The following UBALD1 variants were observed in gnomAD, a reference collection of about 807,000 sequenced individuals.
The protein encoded by UBALD1 is UBA like domain containing 1.
In UBALD1, 5 loss-of-function variants were observed where a neutral mutation model predicts 16.1. The ratio of observed to expected loss-of-function variants is 0.31; its 90% confidence interval spans 0.16 to 0.66. The LOEUF (loss-of-function observed/expected upper bound fraction) is 0.66. UBALD1 is among the 30% of genes least tolerant of loss of function. The probability of loss-of-function intolerance (pLI) is 0.77; values close to 1 mark genes in which losing one functional copy is unlikely to be tolerated. For synonymous variants in UBALD1, 146 were observed against 105.3 expected (o/e 1.39, Z -2.37); for missense variants, 220 against 252.8 (o/e 0.87, Z 0.88).
chr16:4,614,627 G>A (rs777979290), intron 1 of UBALD1, 51 bp downstream of exon 1: 2 of 1,373,324 alleles, frequency 1.5e-6, no homozygotes, highest in Non-Finnish European at 9.4e-7. Context: ...GGCCACGCGG[G>A]ACACACTCCG....
chr16:4,610,494 A>T lies in UBALD1; in HGVS notation c.182T>A (p.Met61Lys). ...ACTGGGGACTCCGGGGACACTTACCATCTGGTGGTGATGGTGGCTGTAGGG... is the reference window on the plus strand; with the variant it reads ...ACTGGGGACTCCGGGGACACTTACCTTCTGGTGGTGATGGTGGCTGTAGGG... ...NIPYSHHHHQ[M>K]MCTPANTPAT... Residue 61 changes from methionine (M) to lysine (K), a missense_variant and splice_region_variant, in exon 2 of 3, where the codon ATG becomes AAG. By Grantham distance (95) the Met-to-Lys change is moderately conservative. This residue lies in a region of UBALD1 where 69 missense variants were observed against 120.3 expected (regional missense o/e 0.57). Coordinates refer to ENST00000283474, the MANE Select transcript of UBALD1 (RefSeq NM_145253.3). The T allele has an allele frequency of 3.1e-6, 5 of 1,606,454 alleles. No homozygotes were observed. The highest frequency in any genetic ancestry group is 4.3e-6 in the Non-Finnish European group (5 of 1,176,236).
In UBALD1 at chr16:4,610,590, C is replaced by A. The variant is rs748211225; in HGVS notation, c.121-35G>T. ...GAAAGGCCCCTGCTCACCCTCCAGGCCCCCGCCGGCCCTGCCGCTGCCCTT... is the reference window on the plus strand; with the variant it reads ...GAAAGGCCCCTGCTCACCCTCCAGGACCCCGCCGGCCCTGCCGCTGCCCTT... On this transcript the variant is annotated intron_variant, in intron 1 of 2. Transcript: ENST00000283474. 14 of 1,587,516 alleles carry A rather than the reference C, an allele frequency of 8.8e-6. No homozygotes were observed. The South Asian group carries it at 1.6e-4, about 18-fold the overall frequency.
Position 4,609,104 on chromosome 16 carries a change from G to A in UBALD1, c.*529C>T, listed in dbSNP as rs1897324298. Reference sequence around the variant, plus strand: ...GCAGGGCCCTGGGGAGGGGGCGGCGGGCAGGGGGCTGGGGGCTCACACTAA... The same window carrying A: ...GCAGGGCCCTGGGGAGGGGGCGGCGAGCAGGGGGCTGGGGGCTCACACTAA... On this transcript the variant is annotated 3_prime_UTR_variant, in exon 3 of 3. Coordinates refer to ENST00000283474, the MANE Select transcript of UBALD1 (RefSeq NM_145253.3). The A allele has an allele frequency of 6.7e-6, 1 of 150,134 alleles. No individual in the cohort carries two copies. The highest frequency in any genetic ancestry group is 1.5e-5 in the Non-Finnish European group (1 of 67,552). 9.3% of individuals were successfully genotyped at this position (150,134 alleles called of 1,614,324 possible).
intron 1 of UBALD1, 159 bp downstream of exon 1, chr16:4,614,518 TC>T: frequency 1.6e-6 from 2 of 1,229,318 alleles, no homozygotes; most frequent in South Asian, 3.7e-5. Context: ...GCCCTTGGGA[TC>T]CGGACGCCGG....
intron 1 of UBALD1, 126 bp from the exon 2 acceptor site, chr16:4,610,681 C>A: frequency 9.3e-7 from 1 of 1,076,312 alleles, no homozygotes; most frequent in Non-Finnish European, 1.3e-6. Flanking sequence ...GGGTGAGTCG[C>A]GGTGCTGAGG....
At chr16:4,614,371 G>A in intron 1 of UBALD1, 1 of 368,316 alleles carries the variant, frequency 2.7e-6, no homozygotes, top group Non-Finnish European at 4.8e-6. Context: ...TCTGCACCGC[G>A]GGGCCGCCCG....
In UBALD1 at chr16:4,610,294, C is replaced by T. The variant is rs571486129; in HGVS notation, c.183+199G>A. 5.6e-6 allele frequency: 4 copies of T among 715,768 alleles called. No individual in the cohort carries two copies. In the African/African-American group the frequency reaches 7.0e-5, roughly 13 times the overall value. The allele number at this position is 715,768 out of a possible 1,614,324, so 44.3% of individuals were successfully genotyped here. A position where few individuals can be genotyped will look rare whatever the true frequency, so the allele number is the denominator to read the frequency against. On this transcript the variant is annotated intron_variant, in intron 2 of 2. Transcript: ENST00000283474. ...CATTGCCCCAGAGGCCAGCGCCCCC[C>T]AGGTCTCAGGGGGAGCTGGCACAGG... is the stretch of plus-strand genomic sequence containing the variant.
intron 1 of UBALD1, 194 bp downstream of exon 1, chr16:4,614,484 G>T (rs1007553460): frequency 3.2e-6 from 3 of 941,376 alleles, no homozygotes; most frequent in African/African-American, 1.7e-5. Context: ...CCGGTGGCCC[G>T]GTTCCCACCT....
chr16:4,610,515 T>C lies in UBALD1; in HGVS notation c.161A>G (p.Tyr54Cys). Residue 54 changes from tyrosine (Y) to cysteine (C), a missense_variant, in exon 2 of 3, where the codon TAC (tyrosine) becomes TGC (cysteine). This residue lies in a region of UBALD1 where 69 missense variants were observed against 120.3 expected (regional missense o/e 0.57). Coordinates refer to ENST00000283474, the MANE Select transcript of UBALD1 (RefSeq NM_145253.3). ...SAFFQETNIPYSHHHHQMMCT... is the reference protein window; with the variant it reads ...SAFFQETNIPCSHHHHQMMCT... ...TACCATCTGGTGGTGATGGTGGCTGTAGGGGATGTTGGTCTCCTGGAAAAA... is the reference window on the plus strand; with the variant it reads ...TACCATCTGGTGGTGATGGTGGCTGCAGGGGATGTTGGTCTCCTGGAAAAA... 2 of 1,611,566 alleles carry C rather than the reference T, an allele frequency of 1.2e-6. No individual in the cohort carries two copies. Among genetic ancestry groups the C allele is most frequent in the Non-Finnish European group, 1.7e-6 (2 of 1,178,832 alleles).
chr16:4,609,295 T>A lies in UBALD1; in HGVS notation c.*338A>T. On this transcript the variant is annotated 3_prime_UTR_variant, in exon 3 of 3. Transcript: ENST00000283474. ...GGAGCTCCAAGCCAGGGATCAGCAATGTCTCTGCCAGGGTGGTCCTCCACG... is the reference window on the plus strand; with the variant it reads ...GGAGCTCCAAGCCAGGGATCAGCAAAGTCTCTGCCAGGGTGGTCCTCCACG... 1 of 236,486 alleles carries A rather than the reference T, an allele frequency of 4.2e-6. No individual in the cohort carries two copies. The highest frequency in any genetic ancestry group is 8.1e-6 in the Non-Finnish European group (1 of 122,906). 14.6% of individuals were successfully genotyped at this position (236,486 alleles called of 1,614,324 possible).
intron 1 of UBALD1, 181 bp downstream of exon 1, chr16:4,614,497 G>T: frequency 9.2e-7 from 1 of 1,088,182 alleles, no homozygotes; most frequent in Non-Finnish European, 1.2e-6. Flanking sequence ...TCCCACCTCC[G>T]CCCGCCGCGA....
In UBALD1 at chr16:4,613,279, A is replaced by G. The variant is rs1897380349; in HGVS notation, c.120+1399T>C. 2.6e-5 allele frequency among the ~76,000 whole-genome samples: 4 copies of G among 152,306 alleles called. No homozygotes were observed. In the South Asian group the frequency reaches 6.2e-4, roughly 24 times the overall value. On this transcript the variant is annotated intron_variant, in intron 1 of 2. Transcript: ENST00000283474. Reference sequence around the variant, plus strand: ...CACAGGGGGCAGTAAGCTGGCCAACAGAAGCTGACTCATGCCCCCCAACCC... The same window carrying G: ...CACAGGGGGCAGTAAGCTGGCCAACGGAAGCTGACTCATGCCCCCCAACCC...
Position 4,609,831 on chromosome 16 carries a change from G to A in UBALD1, c.336C>T (p.Pro112=), listed in dbSNP as rs755414355. ...ATATSPPPHF[P]HAATSSSAAS... Reference sequence around the variant, plus strand: ...CCGCAGAGCTGCTGGTGGCGGCATGGGGGAAGTGTGGCGGGGGTGACGTGG... The same window carrying A: ...CCGCAGAGCTGCTGGTGGCGGCATGAGGGAAGTGTGGCGGGGGTGACGTGG... Residue 112 remains proline (P), a synonymous_variant, in exon 3 of 3, where the codon CCC becomes CCT. Coordinates refer to ENST00000283474, the MANE Select transcript of UBALD1 (RefSeq NM_145253.3). 1.3e-6 allele frequency: 2 copies of A among 1,531,622 alleles called. No homozygotes were observed. Among genetic ancestry groups the A allele is most frequent in the African/African-American group, 2.8e-5 (2 of 72,404 alleles). The allele number at this position is 1,531,622 out of a possible 1,614,324, so 94.9% of individuals were successfully genotyped here.
chr16:4,612,497 C>G (rs900017304), intron 1 of UBALD1, among the ~76,000 whole-genome samples: 1 of 152,150 alleles, frequency 6.6e-6, no homozygotes, highest in Non-Finnish European at 1.5e-5. Context: ...CCCCAAGACC[C>G]TCTGTCAGCA....
Position 4,614,806 on chromosome 16 carries a change from C to T in UBALD1, c.-9G>A. 1 of 1,494,556 alleles carries T rather than the reference C, an allele frequency of 6.7e-7. No homozygotes were observed. The highest frequency in any genetic ancestry group is 1.4e-5 in the African/African-American group (1 of 69,096). 92.6% of individuals were successfully genotyped at this position (1,494,556 alleles called of 1,614,324 possible). On this transcript the variant is annotated 5_prime_UTR_variant, in exon 1 of 3. Coordinates refer to ENST00000283474, the MANE Select transcript of UBALD1 (RefSeq NM_145253.3). ...TCCATGTTCACGGACATGGCGCCGC[C>T]GCGCTGCCCGCTCCGGCCTCCCTCC...
At position 4,610,512 on chromosome 16, in the gene UBALD1, C is replaced by T. The variant is rs368396922; in HGVS notation, c.164G>A (p.Ser55Asn). 15 of 1,610,810 alleles carry T rather than the reference C, an allele frequency of 9.3e-6. No homozygotes were observed. Among genetic ancestry groups the T allele is most frequent in the African/African-American group, 1.3e-5 (1 of 74,862 alleles). The change falls in exon 2 of 3, where the codon AGC becomes AAC. Residue 55 changes from serine (S) to asparagine (N), a missense_variant. Ser to Asn is a conservative substitution (Grantham distance 46). Transcript: ENST00000283474. ...AFFQETNIPY[S>N]HHHHQMMCTP... ...ACTTACCATCTGGTGGTGATGGTGG[C>T]TGTAGGGGATGTTGGTCTCCTGGAA...
Position 4,609,427 on chromosome 16 carries a change from G to C in UBALD1, c.*206C>G, listed in dbSNP as rs560019884. The C allele has an allele frequency of 2.8e-5, 11 of 398,112 alleles. No homozygotes were observed. The highest frequency in any genetic ancestry group is 2.3e-4 in the African/African-American group (11 of 48,660). The allele number at this position is 398,112 out of a possible 1,614,324, so 24.7% of individuals were successfully genotyped here. A position where few individuals can be genotyped will look rare whatever the true frequency, so the allele number is the denominator to read the frequency against. On this transcript the variant is annotated 3_prime_UTR_variant, in exon 3 of 3. Transcript: ENST00000283474. ...GCCGCGCTGAACCACTCCATGTGCC[G>C]GGGCCGCTGGGGCCATGACCTTGCG...
chr16:4,613,392 G>A (rs553361538), intron 1 of UBALD1, among the ~76,000 whole-genome samples: 259 of 152,276 alleles, frequency 1.7e-3, no homozygotes, highest in African/African-American at 5.7e-3. Flanking sequence ...AGTGGCCTCC[G>A]CGACGGCTGG....
chr16:4,614,316 C>A (rs867774903), intron 1 of UBALD1: 1 of 362,566 alleles, frequency 2.8e-6, no homozygotes, highest in Non-Finnish European at 4.9e-6. Flanking sequence ...CCAGCTCTGC[C>A]GAGGCCTGGG....
Sources: allele counts gnomAD v4.1 joint callset (sites outside exome capture counted in the v4.1 genomes callset), GRCh38; gene constraint gnomAD v4.1.1; regional missense constraint gnomAD v4.1.1; transcripts MANE v1.5; gene names NCBI Gene and HGNC (gene_info 2026-07-23, HGNC 2026-07-21).